The following PHACTR2 variants were observed in gnomAD, a reference collection of about 807,000 sequenced individuals.
PHACTR2 encodes the protein chromosome 6 open reading frame 56.
Under a neutral mutation model 76.0 loss-of-function variants are expected in PHACTR2, and 30 were observed. The ratio of observed to expected loss-of-function variants is 0.39; its 90% CI spans 0.30 to 0.54. The LOEUF is 0.54. Ranked by LOEUF, PHACTR2 falls within the 20% of genes least tolerant of loss-of-function variation. The pLI is 0.61. For missense variants in PHACTR2, 696 were observed against 781.1 expected (o/e 0.89, Z 1.30); for synonymous variants, 292 against 292.5 (o/e 1.00, Z 0.02).
At chr6:143,650,545 G>C (rs963742112) in intron 1 of PHACTR2, among the ~76,000 whole-genome samples, 1 of 152,140 alleles carries the variant, frequency 6.6e-6, no homozygotes, top group Non-Finnish European at 1.5e-5. Context: ...ATAATCATCT[G>C]ATCTTCAACA....
At position 143,811,000 on chromosome 6, in the gene PHACTR2, A is replaced by G. The variant is rs189298189; in HGVS notation, c.1922+3867A>G. Among the ~76,000 whole-genome samples, 83 of 152,154 alleles carry G rather than the reference A, an allele frequency of 5.5e-4. 1 individual carries two copies. Among genetic ancestry groups the G allele is most frequent in the Middle Eastern group, 3.4e-3 (1 of 292 alleles). Reference sequence around the variant, plus strand: ...AACTTTTTAATGGTATTTTGTTTAAATTTTTGTATATTCAAATCTATCTGT... The same window carrying G: ...AACTTTTTAATGGTATTTTGTTTAAGTTTTTGTATATTCAAATCTATCTGT... On this transcript the variant is annotated intron_variant, in intron 12 of 12. Transcript: ENST00000440869.
rs1160865355 is a variant in PHACTR2 at position 143,543,987 on chromosome 6, T to C, written c.217+6780T>C. Among the ~76,000 whole-genome samples, 5 of 152,176 alleles carry C rather than the reference T, an allele frequency of 3.3e-5. No homozygotes were observed. On this transcript the variant is annotated intron_variant, in intron 1 of 11. Coordinates refer to the PHACTR2 transcript ENST00000367584. This position sits in a 1 kb window ranked among gnomAD's most constrained non-coding sequence, Gnocchi z 4.7. ...CTGAGTATTTCTAACTGAAGGACAT[T>C]GGAAGGGCCTCAGAAGTAAAGCCTC...
At chr6:143,718,951 C>T (rs528134264) in intron 2 of PHACTR2, among the ~76,000 whole-genome samples, 1 of 144,738 alleles carries the variant, frequency 6.9e-6, no homozygotes, top group African/African-American at 2.5e-5. Context: ...GGTATGATCT[C>T]GGCTCACTGC....
rs1776684860 is a variant in PHACTR2, at chr6:143,647,736, A to G, written c.13+39414A>G. ...GATATCTTGGGAGAAGAGCACCTGT[A>G]CAGAAAGAACAGCAAGTGCACAGCC... is the stretch of plus-strand genomic sequence containing the variant. On this transcript the variant is annotated intron_variant, in intron 1 of 11. Transcript: ENST00000305766. The surrounding 1 kb of genome is among the most constrained non-coding windows in gnomAD (Gnocchi z 4.2). 6.6e-6 allele frequency among the ~76,000 whole-genome samples: 1 copy of G among 152,202 alleles called. No individual in the cohort carries two copies. The highest frequency in any genetic ancestry group is 1.5e-5 in the Non-Finnish European group (1 of 68,040).
rs2128458287 is a variant in PHACTR2 at position 143,700,556 on chromosome 6, G to A, written c.47-11460G>A. Among the ~76,000 whole-genome samples, 1 of 152,244 alleles carries A rather than the reference G, an allele frequency of 6.6e-6. No homozygotes were observed. The highest frequency in any genetic ancestry group is 2.4e-5 in the African/African-American group (1 of 41,538). On this transcript the variant is annotated intron_variant, in intron 1 of 12. Transcript: ENST00000440869. The surrounding 1 kb of genome is among the most constrained non-coding windows in gnomAD (Gnocchi z 4.1). ...GTGACAGAACGAGACTCCATTGATT[G>A]GGGGCAGTGGGGAGGGGGGGCGAGA...
rs1775272461 is a variant in PHACTR2 at position 143,776,358 on chromosome 6, A to G, written c.1590-970A>G. On this transcript the variant is annotated intron_variant, in intron 8 of 12. Transcript: ENST00000440869. This position sits in a 1 kb window ranked among gnomAD's most constrained non-coding sequence, Gnocchi z 5.3. The stretch of plus-strand genomic sequence containing the variant: ...CTAAAAACTGACCCAAAATTGCTAT[A>G]TATAATGATTTCAGCAGGTTTGCTT... Among the ~76,000 whole-genome samples, 1 of 152,364 alleles carries G rather than the reference A, an allele frequency of 6.6e-6. No individual in the cohort carries two copies. Among genetic ancestry groups the G allele is most frequent in the South Asian group, 2.1e-4 (1 of 4,832 alleles).
rs1003948016 is a variant in PHACTR2 at position 143,776,995 on chromosome 6, C to G, written c.1590-333C>G. 2.0e-5 allele frequency among the ~76,000 whole-genome samples: 3 copies of G among 152,296 alleles called. No individual in the cohort carries two copies. The highest frequency in any genetic ancestry group is 4.1e-4 in the South Asian group (2 of 4,826). ...TTTTAAGGATGAGAAGGGGAAGTAACAAACATCATTCTGCTCACATCCCAT... is the reference window on the plus strand; with the variant it reads ...TTTTAAGGATGAGAAGGGGAAGTAAGAAACATCATTCTGCTCACATCCCAT... On this transcript the variant is annotated intron_variant, in intron 8 of 12. Transcript: ENST00000440869. This position sits in a 1 kb window ranked among gnomAD's most constrained non-coding sequence, Gnocchi z 5.3.
intron 1 of PHACTR2, among the ~76,000 whole-genome samples, chr6:143,667,225 C>G (rs1323140744): frequency 6.6e-6 from 1 of 152,026 alleles, no homozygotes; most frequent in Non-Finnish European, 1.5e-5. Flanking sequence ...CGGTTCTGTT[C>G]CATTGGTCTA....
At chr6:143,644,592 A>C (rs1776625477) in intron 1 of PHACTR2, among the ~76,000 whole-genome samples, 1 of 151,250 alleles carries the variant, frequency 6.6e-6, no homozygotes, top group African/African-American at 2.4e-5. Context: ...AGCATAATTC[A>C]TTGACTCTAA....
intron 1 of PHACTR2, among the ~76,000 whole-genome samples, chr6:143,685,776 T>C (rs1777503000): frequency 6.6e-6 from 1 of 151,706 alleles, no homozygotes; most frequent in South Asian, 2.1e-4. Context: ...AATTGTTTTG[T>C]GGTAATTTAA....
chr6:143,769,096 T>C (rs964273964), intron 6 of PHACTR2, among the ~76,000 whole-genome samples: 1 of 152,202 alleles, frequency 6.6e-6, no homozygotes, highest in African/African-American at 2.4e-5. Context: ...AGACTTCTGT[T>C]TGGAATACAA....
chr6:143,762,276 T>C (rs1215636890), intron 5 of PHACTR2, among the ~76,000 whole-genome samples: 2 of 152,234 alleles, frequency 1.3e-5, no homozygotes, highest in African/African-American at 4.8e-5. Context: ...GAACTCAGCT[T>C]GGACTCTCTT....
intron 1 of PHACTR2, among the ~76,000 whole-genome samples, chr6:143,690,826 T>C (rs1777627685): frequency 6.6e-6 from 1 of 152,240 alleles, no homozygotes; most frequent in African/African-American, 2.4e-5. Flanking sequence ...ACTGTGATAA[T>C]AATGTGCTGG....
chr6:143,557,956 C>CT lies in PHACTR2; in HGVS notation c.217+20751dup, dbSNP rs1356443138. The stretch of plus-strand genomic sequence containing the variant: ...TTCTCATTCCTGCCTCAGCAATACC[C>CT]TTGAAGGATGGATGGGATCCTTCAT... On this transcript the variant is annotated intron_variant, in intron 1 of 11. Transcript: ENST00000367584. The surrounding 1 kb of genome is among the most constrained non-coding windows in gnomAD (Gnocchi z 5.5). 6.6e-6 allele frequency: 1 copy of CT among 152,190 alleles called. No homozygotes were observed. The highest frequency in any genetic ancestry group is 1.5e-5 in the Non-Finnish European group (1 of 68,066). The allele number at this position is 152,190 out of a possible 1,614,324, so 9.4% of individuals were successfully genotyped here.
At chr6:143,706,246 A>G (rs1778050579) in intron 1 of PHACTR2, among the ~76,000 whole-genome samples, 1 of 152,054 alleles carries the variant, frequency 6.6e-6, no homozygotes, top group South Asian at 2.1e-4. Context: ...CCTTTTCTGT[A>G]AGGAGGTGGT....
intron 3 of PHACTR2, among the ~76,000 whole-genome samples, chr6:143,752,531 G>A (rs996944333): frequency 6.6e-6 from 1 of 152,008 alleles, no homozygotes; most frequent in African/African-American, 2.4e-5. Flanking sequence ...GTTTATTTTA[G>A]TTTTACACGG....
At position 143,678,321 on chromosome 6, in the gene PHACTR2, A is replaced by G. The variant is rs571881881; in HGVS notation, c.46+112A>G. On this transcript the variant is annotated intron_variant, in intron 1 of 12. Coordinates refer to ENST00000440869, the MANE Select transcript of PHACTR2 (RefSeq NM_001100164.2). The surrounding 1 kb of genome is among the most constrained non-coding windows in gnomAD (Gnocchi z 6.2). ...GGTCGGGTTCCGCTCGGACCCGCCA[A>G]GTCCCTCGGAGAAACCCCAGAGGTA... 2.0e-6 allele frequency: 2 copies of G among 980,118 alleles called. No individual in the cohort carries two copies. Among genetic ancestry groups the G allele is most frequent in the South Asian group, 2.2e-5 (1 of 44,968 alleles). 60.7% of individuals were successfully genotyped at this position (980,118 alleles called of 1,614,324 possible). A position where few individuals can be genotyped will look rare whatever the true frequency, so the allele number is the denominator to read the frequency against.
At chr6:143,593,635 T>C (rs985249806) in intron 1 of PHACTR2, among the ~76,000 whole-genome samples, 5 of 152,242 alleles carry the variant, frequency 3.3e-5, no homozygotes, top group Admixed American at 1.3e-4. Context: ...ATAGAAGTTC[T>C]TCATAATTTT....
intron 2 of PHACTR2, among the ~76,000 whole-genome samples, chr6:143,728,387 A>AT (rs1327215882): frequency 6.6e-6 from 1 of 150,378 alleles, no homozygotes; most frequent in Admixed American, 6.6e-5. Flanking sequence ...AGTTTTTTAT[A>AT]TTTTTTTGTG....
Sources: allele counts gnomAD v4.1 joint callset (sites outside exome capture counted in the v4.1 genomes callset), GRCh38; gene constraint gnomAD v4.1.1; non-coding constraint Gnocchi (gnomAD v3.1); transcripts MANE v1.5; gene names NCBI Gene and HGNC (gene_info 2026-07-23, HGNC 2026-07-21).